Variants in ME1 observed in about 807,000 individuals in gnomAD.
The protein encoded by ME1 is NADP-dependent malic enzyme.
A neutral mutation model predicts 66.4 loss-of-function variants in ME1; 74 were observed. The observed-to-expected ratio is 1.11, with a 90% CI of 0.92 to 1.35. The LOEUF is 1.35. ME1 is among the 40% of genes most tolerant of loss of function. ME1 has a pLI of 0.00. For synonymous variants in ME1, 251 were observed against 235.6 expected (o/e 1.07, Z -0.60); for missense variants, 750 against 694.1 (o/e 1.08, Z -0.90).
chr6:83,311,656 C>A (rs933130208), intron 6 of ME1, among the ~76,000 whole-genome samples: 1 of 152,044 alleles, frequency 6.6e-6, no homozygotes, highest in Non-Finnish European at 1.5e-5. Flanking sequence ...AAGACATCAA[C>A]ATTACTAAAA....
chr6:83,213,838 A>G (rs1162374114), intron 13 of ME1, among the ~76,000 whole-genome samples: 1 of 152,218 alleles, frequency 6.6e-6, no homozygotes, highest in Non-Finnish European at 1.5e-5. Flanking sequence ...AAAAGCAGGA[A>G]ACAATATGTA....
intron 6 of ME1, among the ~76,000 whole-genome samples, chr6:83,274,790 A>G (rs1767146094): frequency 6.6e-6 from 1 of 152,230 alleles, no homozygotes; most frequent in South Asian, 2.1e-4. Flanking sequence ...CAAATAAGAG[A>G]TGCACATCAC....
At chr6:83,410,603 G>A (rs1443043978) in intron 1 of ME1, among the ~76,000 whole-genome samples, 2 of 152,184 alleles carry the variant, frequency 1.3e-5, no homozygotes, top group South Asian at 2.1e-4. Flanking sequence ...AAATGAAAAG[G>A]GGAAAGGAAA....
At chr6:83,226,351 T>C (rs1271633588) in intron 11 of ME1, among the ~76,000 whole-genome samples, 3 of 152,162 alleles carry the variant, frequency 2.0e-5, no homozygotes, top group African/African-American at 7.2e-5. Context: ...TAAGACAAAA[T>C]AATTAATTAA....
chr6:83,317,123 T>C (rs1768050236), intron 5 of ME1, among the ~76,000 whole-genome samples: 1 of 152,168 alleles, frequency 6.6e-6, no homozygotes. Context: ...GAAGAAAATG[T>C]TCAGTTTGTG....
In ME1 at chr6:83,333,951, G is replaced by A. The variant is rs1035401721; in HGVS notation, c.600+12222C>T. ...AATACTGATATAAAACTCCAAGTCAGGGGGGGAGGAGCCAAGATGGCCGAA... is the reference window on the plus strand; with the variant it reads ...AATACTGATATAAAACTCCAAGTCAAGGGGGGAGGAGCCAAGATGGCCGAA... On this transcript the variant is annotated intron_variant, in intron 5 of 13. Coordinates refer to ENST00000369705, the MANE Select transcript of ME1 (RefSeq NM_002395.6). Among the ~76,000 whole-genome samples the A allele has an allele frequency of 3.4e-5, 5 of 147,662 alleles. No individual in the cohort carries two copies. In the South Asian group the frequency reaches 8.4e-4, roughly 25 times the overall value.
At chr6:83,277,314 A>G (rs1016866248) in intron 6 of ME1, among the ~76,000 whole-genome samples, 15 of 152,264 alleles carry the variant, frequency 9.9e-5, no homozygotes, top group African/African-American at 3.6e-4. Flanking sequence ...ATGAAACTCA[A>G]TGCCTTTTGA....
intron 4 of ME1, among the ~76,000 whole-genome samples, chr6:83,348,996 AAAAAACAAAAAAC>A (rs1768744250): frequency 6.9e-6 from 1 of 144,068 alleles, no homozygotes; most frequent in African/African-American, 2.7e-5. Flanking sequence ...AAAAAAAAAA[AAAAAACAAAAAAC>A]AAAAAACAGT....
intron 3 of ME1, among the ~76,000 whole-genome samples, chr6:83,361,256 G>A (rs200482013): frequency 6.6e-6 from 1 of 152,270 alleles, no homozygotes; most frequent in East Asian, 1.9e-4. Flanking sequence ...GTGGTCCAGT[G>A]GTGTGGGGAC....
intron 2 of ME1, 119 bp from the exon 3 acceptor site, chr6:83,398,635 CT>C: frequency 1.8e-6 from 1 of 551,276 alleles, no homozygotes; most frequent in Non-Finnish European, 3.1e-6. Context: ...TAGAAAACAT[CT>C]GATTAAAAAA....
At chr6:83,424,655 C>T (rs1391590405) in intron 1 of ME1, among the ~76,000 whole-genome samples, 1 of 152,170 alleles carries the variant, frequency 6.6e-6, no homozygotes, top group African/African-American at 2.4e-5. Flanking sequence ...AAAATGTCTA[C>T]TAAACAAAGC....
At chr6:83,400,740 A>T (rs1254916699) in intron 2 of ME1, among the ~76,000 whole-genome samples, 1 of 152,022 alleles carries the variant, frequency 6.6e-6, no homozygotes, top group African/African-American at 2.4e-5. Context: ...CTGGTCAAAA[A>T]CCTCAAGAGG....
intron 9 of ME1, among the ~76,000 whole-genome samples, chr6:83,234,658 T>C (rs1790364478): frequency 6.6e-6 from 1 of 152,226 alleles, no homozygotes; most frequent in Non-Finnish European, 1.5e-5. Context: ...AATTAATTTC[T>C]ATCTGGATTA....
At chr6:83,314,127 T>G (rs773586676) in intron 6 of ME1, among the ~76,000 whole-genome samples, 2 of 152,156 alleles carry the variant, frequency 1.3e-5, no homozygotes, top group Non-Finnish European at 1.5e-5. Flanking sequence ...GGGATGACTG[T>G]CAGTGTGATA....
chr6:83,414,326 A>G (rs879425421), intron 1 of ME1, among the ~76,000 whole-genome samples: 1 of 152,094 alleles, frequency 6.6e-6, no homozygotes, highest in African/African-American at 2.4e-5. Flanking sequence ...CCAATTATTT[A>G]AGGCCAACAA....
chr6:83,391,575 C>T (rs1029424451), intron 3 of ME1, among the ~76,000 whole-genome samples: 24 of 152,082 alleles, frequency 1.6e-4, no homozygotes, highest in African/African-American at 5.6e-4. Context: ...CATGTAACTG[C>T]GTAAGACCAT....
At chr6:83,426,998 T>G (rs1033468986) in intron 1 of ME1, among the ~76,000 whole-genome samples, 3 of 152,168 alleles carry the variant, frequency 2.0e-5, no homozygotes, top group African/African-American at 7.2e-5. Context: ...GAAGGGCAAT[T>G]TATGAAATAT....
At chr6:83,239,244 C>A (rs913646534) in intron 8 of ME1, among the ~76,000 whole-genome samples, 2 of 151,962 alleles carry the variant, frequency 1.3e-5, no homozygotes, top group South Asian at 4.1e-4. Context: ...TGCATATATA[C>A]ACATACATTG....
At chr6:83,399,640 G>C (rs1769805799) in intron 2 of ME1, among the ~76,000 whole-genome samples, 1 of 152,128 alleles carries the variant, frequency 6.6e-6, no homozygotes, top group African/African-American at 2.4e-5. Flanking sequence ...AAGCATTTCT[G>C]ACCCAGAGTT....
Sources: gnomAD v4.1 joint callset for allele counts (sites outside exome capture counted in the v4.1 genomes callset) on GRCh38, gnomAD v4.1.1 for gene constraint, MANE v1.5 for transcripts, NCBI Gene and HGNC (gene_info 2026-07-23, HGNC 2026-07-21) for gene names.